The following CDH13 variants were observed in gnomAD, a reference collection of about 807,000 sequenced individuals.
CDH13 encodes cadherin-13.
A neutral mutation model predicts 63.8 loss-of-function variants in CDH13; 24 were observed. The observed-to-expected ratio is 0.38, with a 90% CI of 0.27 to 0.53. The LOEUF (loss-of-function observed/expected upper bound fraction) is 0.53, where lower values mean the gene tolerates loss of function less well. Among genes scored for constraint, CDH13 ranks in the 20% least tolerant of loss-of-function variants. The pLI is 0.85. For synonymous variants in CDH13, 503 were observed against 355.3 expected (o/e 1.42, Z -4.67); for missense variants, 1,049 against 903.1 (o/e 1.16, Z -2.07).
intron 2 of CDH13, among the ~76,000 whole-genome samples, chr16:82,885,311 CA>C (rs2151211791): frequency 6.6e-6 from 1 of 152,230 alleles, no homozygotes; most frequent in East Asian, 1.9e-4. Flanking sequence ...GAAAAAAAAT[CA>C]TAAAAGATCT....
At chr16:82,655,862 G>A (rs1372750404) in intron 1 of CDH13, among the ~76,000 whole-genome samples, 1 of 152,062 alleles carries the variant, frequency 6.6e-6, no homozygotes, top group Non-Finnish European at 1.5e-5. Context: ...CAATGCCTTC[G>A]GGTCATGGCT....
rs540689988 is a variant in CDH13 at position 83,105,769 on chromosome 16, C to T, written c.367-19616C>T. 8.5e-5 allele frequency among the ~76,000 whole-genome samples: 13 copies of T among 152,276 alleles called. No homozygotes were observed. The South Asian group carries it at 1.0e-3, about 12-fold the overall frequency. ...TCATCTAACCTGTACTGAAGAATGA[C>T]GCACATAATGTACAACAGGCAGCCA... On this transcript the variant is annotated intron_variant, in intron 3 of 13. Coordinates refer to ENST00000567109, the MANE Select transcript of CDH13 (RefSeq NM_001257.5).
At chr16:83,738,145 G>T (rs192689379) in intron 10 of CDH13, among the ~76,000 whole-genome samples, 1 of 152,290 alleles carries the variant, frequency 6.6e-6, no homozygotes, top group East Asian at 1.9e-4. Context: ...CCCTTGTCAC[G>T]AGAGTAATTA....
At chr16:82,782,751 T>G (rs926893381) in intron 1 of CDH13, among the ~76,000 whole-genome samples, 1 of 152,158 alleles carries the variant, frequency 6.6e-6, no homozygotes, top group African/African-American at 2.4e-5. Context: ...CATGCTGGAA[T>G]CCGGCCTTCT....
chr16:83,075,726 A>G lies in CDH13; in HGVS notation c.366+43508A>G, dbSNP rs115450661. Among the ~76,000 whole-genome samples the G allele has an allele frequency of 9.4e-3, 1,430 of 152,290 alleles. 26 individuals carry two copies. Among genetic ancestry groups the G allele is most frequent in the African/African-American group, 0.031 (1,290 of 41,572 alleles). ...TGTTTGAGTTTTCCAATAGAGACAT[A>G]TCAATCTTGCTTGGGAATACTTTGA... On this transcript the variant is annotated intron_variant, in intron 3 of 13. Coordinates refer to ENST00000567109, the MANE Select transcript of CDH13 (RefSeq NM_001257.5).
In CDH13 at chr16:83,611,211, G is replaced by C. The variant is rs77824316; in HGVS notation, c.1101+8617G>C. On this transcript the variant is annotated intron_variant, in intron 8 of 13. Transcript: ENST00000567109. ...GAGTCCTTTGAGTTATATACATGTT[G>C]CAATTTTTTTTTTACACTCTGGCTT... Among the ~76,000 whole-genome samples the C allele has an allele frequency of 5.7e-3, 872 of 151,974 alleles. 9 individuals carry two copies. The highest frequency in any genetic ancestry group is 0.02 in the African/African-American group (826 of 41,484).
At chr16:83,737,257 T>G (rs1444372829) in intron 10 of CDH13, among the ~76,000 whole-genome samples, 2 of 152,202 alleles carry the variant, frequency 1.3e-5, no homozygotes, top group Non-Finnish European at 2.9e-5. Flanking sequence ...GCTGTTAGAC[T>G]CAAGTTCCTT....
intron 11 of CDH13, among the ~76,000 whole-genome samples, chr16:83,764,880 G>A (rs1450182959): frequency 2.0e-5 from 3 of 152,138 alleles, no homozygotes; most frequent in South Asian, 2.1e-4. Context: ...CTGCCTGTGC[G>A]TCTGCATCCT....
At chr16:83,469,222 A>G (rs971813308) in intron 6 of CDH13, among the ~76,000 whole-genome samples, 7 of 152,114 alleles carry the variant, frequency 4.6e-5, no homozygotes, top group African/African-American at 1.7e-4. Flanking sequence ...TTGCAAATAG[A>G]GCCTGAAAGT....
intron 8 of CDH13, among the ~76,000 whole-genome samples, chr16:83,611,133 A>G (rs1908822742): frequency 6.6e-6 from 1 of 151,904 alleles, no homozygotes; most frequent in African/African-American, 2.4e-5. Context: ...CCATTTTTTA[A>G]GTTGGGTTAT....
chr16:83,528,208 C>G (rs1291546438), intron 7 of CDH13, among the ~76,000 whole-genome samples: 1 of 152,230 alleles, frequency 6.6e-6, no homozygotes, highest in Non-Finnish European at 1.5e-5. Flanking sequence ...TTCCTTAAAT[C>G]TAAGTAATAT....
chr16:83,650,409 A>G (rs1036615646), intron 8 of CDH13, among the ~76,000 whole-genome samples: 1 of 152,124 alleles, frequency 6.6e-6, no homozygotes, highest in African/African-American at 2.4e-5. Context: ...GCATTTTCCT[A>G]TGATGTTTGA....
At chr16:83,266,650 A>G (rs2151841142) in intron 5 of CDH13, among the ~76,000 whole-genome samples, 1 of 152,308 alleles carries the variant, frequency 6.6e-6, no homozygotes, top group Admixed American at 6.5e-5. Flanking sequence ...ACTAACTCTT[A>G]AGGCAAAGAA....
At chr16:82,864,064 T>TAAATTTTGCTTTGTGAAAATTTTCAC in intron 2 of CDH13, among the ~76,000 whole-genome samples, 1 of 152,232 alleles carries the variant, frequency 6.6e-6, no homozygotes, top group Admixed American at 6.5e-5. Flanking sequence ...GTTCTTTGAG[T>TAAATTTTGCTTTGTGAAAATTTTCAC]AAATTTTGCT....
chr16:83,099,147 C>A (rs1381231937), intron 3 of CDH13, among the ~76,000 whole-genome samples: 3 of 151,878 alleles, frequency 2.0e-5, no homozygotes, highest in African/African-American at 7.3e-5. Context: ...TATATAAGAT[C>A]CTATTCTAAC....
intron 1 of CDH13, among the ~76,000 whole-genome samples, chr16:82,669,668 C>G (rs1168017566): frequency 2.0e-5 from 3 of 152,190 alleles, no homozygotes; most frequent in Non-Finnish European, 4.4e-5. Context: ...TGTTTCTTCT[C>G]TTGTGATTAG....
intron 1 of CDH13, among the ~76,000 whole-genome samples, chr16:82,793,345 A>G (rs1397042539): frequency 1.3e-5 from 2 of 151,680 alleles, no homozygotes; most frequent in Middle Eastern, 3.4e-3. Context: ...AGTTCGGGCC[A>G]GGAGCCAAGA....
chr16:83,244,328 G>T (rs535576146), intron 5 of CDH13, among the ~76,000 whole-genome samples: 10 of 152,220 alleles, frequency 6.6e-5, no homozygotes, highest in African/African-American at 2.2e-4. Context: ...TGGTTACTGT[G>T]TGTGAAGCAG....
At chr16:82,661,815 G>C (rs780077586) in intron 1 of CDH13, among the ~76,000 whole-genome samples, 1 of 152,240 alleles carries the variant, frequency 6.6e-6, no homozygotes, top group Non-Finnish European at 1.5e-5. Context: ...TGTCACATCA[G>C]ACTATGTAAT....
Sources: allele counts gnomAD v4.1 joint callset (sites outside exome capture counted in the v4.1 genomes callset), GRCh38; gene constraint gnomAD v4.1.1; transcripts MANE v1.5; gene names NCBI Gene and HGNC (gene_info 2026-07-23, HGNC 2026-07-21).